MEOX2: variants seen among roughly 807,000 people sequenced by gnomAD.
MEOX2 encodes the protein homeobox protein MOX-2.
In MEOX2, 11 loss-of-function variants were observed where a neutral mutation model predicts 27.0. That is an observed-to-expected ratio of 0.41 (90% confidence interval 0.26 to 0.68). MEOX2 has a LOEUF of 0.68. Among genes scored for constraint, MEOX2 ranks in the 30% least tolerant of loss-of-function variants. The pLI, the probability that MEOX2 is intolerant of heterozygous loss-of-function variation, is 0.33. For synonymous variants in MEOX2, 189 were observed against 155.4 expected, an observed-to-expected ratio of 1.22 and a Z score of -1.61; for missense variants, 436 against 385.4, an observed-to-expected ratio of 1.13 and a Z score of -1.10.
chr7:15,654,193 G>A (rs941059721), intron 1 of MEOX2, among the ~76,000 whole-genome samples: 2 of 151,862 alleles, frequency 1.3e-5, no homozygotes, highest in Non-Finnish European at 2.9e-5. Flanking sequence ...TAATTTTAGA[G>A]TACATGTGTT....
At chr7:15,629,318 A>T (rs1350000139) in intron 1 of MEOX2, among the ~76,000 whole-genome samples, 1 of 151,988 alleles carries the variant, frequency 6.6e-6, no homozygotes, top group Non-Finnish European at 1.5e-5. Context: ...CTATATACAC[A>T]CTCATTGTAA....
chr7:15,629,191 A>C (rs1335025544), intron 1 of MEOX2, among the ~76,000 whole-genome samples: 1 of 152,060 alleles, frequency 6.6e-6, no homozygotes, highest in Non-Finnish European at 1.5e-5. Flanking sequence ...TTTCTTTGAA[A>C]GTGATCTTCT....
chr7:15,672,372 C>G (rs1232116502), intron 1 of MEOX2, among the ~76,000 whole-genome samples: 1 of 152,130 alleles, frequency 6.6e-6, no homozygotes, highest in Non-Finnish European at 1.5e-5. Flanking sequence ...TATATAGAAT[C>G]TTATGTCTTA....
Position 15,626,653 on chromosome 7 carries a change from G to A in MEOX2, c.690+93C>T. Reference sequence around the variant, plus strand: ...TAACTGTCTTCCAAATGGTATTCAAGAATTCTGGATCTAGGTATTTCAAAT... The same window carrying A: ...TAACTGTCTTCCAAATGGTATTCAAAAATTCTGGATCTAGGTATTTCAAAT... On this transcript the variant is annotated intron_variant, in intron 2 of 2. Coordinates refer to ENST00000262041, the MANE Select transcript of MEOX2 (RefSeq NM_005924.5). 4 of 893,130 alleles carry A rather than the reference G, an allele frequency of 4.5e-6. No homozygotes were observed. The South Asian group carries it at 5.8e-5, about 13-fold the overall frequency. 55.3% of individuals were successfully genotyped at this position (893,130 alleles called of 1,614,324 possible).
chr7:15,686,359 G>C lies in MEOX2; in HGVS notation c.44C>G (p.Thr15Arg). 1.3e-6 allele frequency: 2 copies of C among 1,592,020 alleles called. No homozygotes were observed. The highest frequency in any genetic ancestry group is 1.3e-5 in the African/African-American group (1 of 74,610). Residue 15 changes from threonine to arginine, a missense_variant, in exon 1 of 3, where the codon ACG becomes AGG. By Grantham distance (71) the Thr-to-Arg change is moderately conservative. Transcript: ENST00000262041. ...GGAGAACGGGTGCAAGCCTTGCGCC[G>C]TGGCGTGAGGGCTGCGCAGGCAGCC... ...LFGCLRSPHA[T>R]AQGLHPFSQS...
chr7:15,620,902 A>C (rs1234165404), intron 2 of MEOX2, among the ~76,000 whole-genome samples: 3 of 152,160 alleles, frequency 2.0e-5, no homozygotes, highest in Non-Finnish European at 4.4e-5. Context: ...TTTTGAAGTG[A>C]AAGGATCTCC....
chr7:15,641,491 CT>C (rs1781559950), intron 1 of MEOX2, among the ~76,000 whole-genome samples: 1 of 152,064 alleles, frequency 6.6e-6, no homozygotes, highest in Admixed American at 6.6e-5. Context: ...CACTCCTTTA[CT>C]TTGAGCCTGT....
At chr7:15,681,306 A>T (rs747410614) in intron 1 of MEOX2, 2 of 151,690 alleles carry the variant, frequency 1.3e-5, no homozygotes, top group Non-Finnish European at 3.0e-5. Context: ...AATCTAAAAA[A>T]CCTTCATATT....
chr7:15,676,728 G>A (rs1382255227), intron 1 of MEOX2, among the ~76,000 whole-genome samples: 1 of 151,704 alleles, frequency 6.6e-6, no homozygotes, highest in African/African-American at 2.4e-5. Context: ...AAAATTAGCG[G>A]GCGCCTGTAG....
chr7:15,664,565 T>A (rs1781968420), intron 1 of MEOX2, among the ~76,000 whole-genome samples: 1 of 152,198 alleles, frequency 6.6e-6, no homozygotes, highest in South Asian at 2.1e-4. Context: ...AGCTCCTATA[T>A]AGGGATCAAC....
intron 1 of MEOX2, chr7:15,675,889 G>C (rs1782184956): frequency 6.6e-6 from 1 of 152,090 alleles, no homozygotes; most frequent in South Asian, 2.1e-4. Context: ...ATCTAACAGA[G>C]AAACACTCTC....
At chr7:15,647,235 A>G (rs1781665328) in intron 1 of MEOX2, among the ~76,000 whole-genome samples, 1 of 152,092 alleles carries the variant, frequency 6.6e-6, no homozygotes, top group Non-Finnish European at 1.5e-5. Context: ...CCAGAAATCT[A>G]TGATACTCAA....
chr7:15,616,275 A>G (rs1781122507), intron 2 of MEOX2, among the ~76,000 whole-genome samples: 1 of 151,918 alleles, frequency 6.6e-6, no homozygotes, highest in African/African-American at 2.4e-5. Context: ...CAACAAATAC[A>G]TAATGGGCAT....
intron 1 of MEOX2, among the ~76,000 whole-genome samples, chr7:15,671,494 T>C (rs1260364723): frequency 1.3e-5 from 2 of 152,206 alleles, no homozygotes; most frequent in African/African-American, 4.8e-5. Flanking sequence ...TTCCTTTTAT[T>C]AGACAGTTTA....
At chr7:15,661,630 G>C (rs565212473) in intron 1 of MEOX2, among the ~76,000 whole-genome samples, 8 of 152,304 alleles carry the variant, frequency 5.3e-5, no homozygotes, top group African/African-American at 1.9e-4. Context: ...TGGCATTCTT[G>C]ATGCGTTTTC....
chr7:15,676,084 A>G (rs1042393290), intron 1 of MEOX2: 1 of 152,192 alleles, frequency 6.6e-6, no homozygotes, highest in Non-Finnish European at 1.5e-5. Context: ...TGAATTCTGC[A>G]CACTGCCTTA....
intron 1 of MEOX2, among the ~76,000 whole-genome samples, chr7:15,678,645 T>C: frequency 6.6e-6 from 1 of 152,234 alleles, no homozygotes. Flanking sequence ...ACAAGCTACC[T>C]CAACAGACTC....
intron 1 of MEOX2, among the ~76,000 whole-genome samples, chr7:15,643,833 A>T (rs1463517489): frequency 6.6e-6 from 1 of 152,126 alleles, no homozygotes; most frequent in East Asian, 1.9e-4. Flanking sequence ...GCCCCTATGC[A>T]GTGTGCTTGT....
intron 1 of MEOX2, among the ~76,000 whole-genome samples, chr7:15,637,027 G>A (rs1781489498): frequency 6.6e-6 from 1 of 151,990 alleles, no homozygotes. Flanking sequence ...AACACATTCA[G>A]ACCATAGAAT....
Sources: gnomAD v4.1 joint callset for allele counts (sites outside exome capture counted in the v4.1 genomes callset) on GRCh38, gnomAD v4.1.1 for gene constraint, MANE v1.5 for transcripts, NCBI Gene and HGNC (gene_info 2026-07-23, HGNC 2026-07-21) for gene names.